Variants in RGS7 observed in about 807,000 individuals in gnomAD.
RGS7 encodes the protein regulator of G-protein signaling 7.
In RGS7, 27 loss-of-function variants were observed where a neutral mutation model predicts 81.1. That is an observed-to-expected ratio of 0.33 (90% CI 0.25 to 0.46). The LOEUF (loss-of-function observed/expected upper bound fraction) is 0.46. Ranked by LOEUF, RGS7 falls within the 20% of genes least tolerant of loss-of-function variation. The pLI is 1.00. For synonymous variants in RGS7, 208 were observed against 207.7 expected, an observed-to-expected ratio of 1.00 and a Z score of -0.01; for missense variants, 396 against 607.4, an observed-to-expected ratio of 0.65 and a Z score of 3.66.
chr1:240,844,693 T>G (rs1658739359), intron 9 of RGS7, among the ~76,000 whole-genome samples: 2 of 152,212 alleles, frequency 1.3e-5, no homozygotes, highest in South Asian at 2.1e-4. Flanking sequence ...CATAGCGGCT[T>G]GTGATAGCCA....
intron 2 of RGS7, among the ~76,000 whole-genome samples, chr1:241,300,007 C>T (rs1375941033): frequency 6.7e-6 from 1 of 150,344 alleles, no homozygotes; most frequent in Non-Finnish European, 1.5e-5. Context: ...ACCAGCCACT[C>T]GGGAGGCTGG....
intron 6 of RGS7, among the ~76,000 whole-genome samples, chr1:240,900,506 T>G (rs1404347715): frequency 6.6e-6 from 1 of 152,166 alleles, no homozygotes; most frequent in Non-Finnish European, 1.5e-5. Context: ...TAGTTTTCCC[T>G]CTAACGGTCA....
At chr1:240,986,123 A>T (rs1264957912) in intron 3 of RGS7, among the ~76,000 whole-genome samples, 1 of 152,124 alleles carries the variant, frequency 6.6e-6, no homozygotes, top group Non-Finnish European at 1.5e-5. Context: ...ACTGTAGCCT[A>T]TGGAAAGTTT....
chr1:241,304,898 T>C (rs2079993507), intron 2 of RGS7, among the ~76,000 whole-genome samples: 1 of 152,256 alleles, frequency 6.6e-6, no homozygotes, highest in South Asian at 2.1e-4. Flanking sequence ...ATTTAGGTTG[T>C]TCATGATTAA....
intron 10 of RGS7, among the ~76,000 whole-genome samples, chr1:240,820,544 C>T (rs1249293963): frequency 6.6e-6 from 1 of 151,882 alleles, no homozygotes; most frequent in Non-Finnish European, 1.5e-5. Flanking sequence ...TCCTCAACCC[C>T]TAATGTGATG....
intron 2 of RGS7, among the ~76,000 whole-genome samples, chr1:241,145,646 A>T (rs1344952619): frequency 2.0e-5 from 3 of 152,198 alleles, no homozygotes; most frequent in Non-Finnish European, 4.4e-5. Flanking sequence ...TTTGAGGCTG[A>T]GGCACAAGAA....
chr1:240,930,616 T>G, intron 6 of RGS7, 101 bp downstream of exon 6: 1 of 1,110,196 alleles, frequency 9.0e-7, no homozygotes, highest in Non-Finnish European at 1.4e-6. Flanking sequence ...TCCTGAGAAC[T>G]GTGGTTTCCT....
intron 4 of RGS7, among the ~76,000 whole-genome samples, chr1:240,944,278 GTGTGTA>G (rs1353821087): frequency 3.4e-4 from 7 of 20,454 alleles, no homozygotes; most frequent in East Asian, 2.9e-3. Context: ...GTGTGTGTGT[GTGTGTA>G]TATATATATA....
At chr1:241,286,227 T>A (rs2078800995) in intron 2 of RGS7, among the ~76,000 whole-genome samples, 1 of 152,178 alleles carries the variant, frequency 6.6e-6, no homozygotes, top group African/African-American at 2.4e-5. Flanking sequence ...AGCATTGAGA[T>A]GGAAAGAGCC....
chr1:241,029,410 G>T (rs539370582), intron 3 of RGS7, among the ~76,000 whole-genome samples: 1 of 152,238 alleles, frequency 6.6e-6, no homozygotes, highest in South Asian at 2.1e-4. Context: ...TCTGACGTGG[G>T]GTTTGGAATC....
chr1:241,063,249 T>A (rs2061842407), intron 3 of RGS7, among the ~76,000 whole-genome samples: 1 of 152,184 alleles, frequency 6.6e-6, no homozygotes, highest in Non-Finnish European at 1.5e-5. Context: ...ATAGGAGTTC[T>A]AAGGGGCAGG....
chr1:240,901,731 T>C (rs1335983455), intron 6 of RGS7, among the ~76,000 whole-genome samples: 3 of 152,194 alleles, frequency 2.0e-5, no homozygotes, highest in African/African-American at 7.2e-5. Flanking sequence ...TACTCCTCAC[T>C]ACGTATGGTC....
At chr1:241,158,547 G>T (rs1445169333) in intron 2 of RGS7, among the ~76,000 whole-genome samples, 1 of 152,148 alleles carries the variant, frequency 6.6e-6, no homozygotes, top group Non-Finnish European at 1.5e-5. Flanking sequence ...AACAACATTT[G>T]TCAAGTAAGT....
Position 240,928,198 on chromosome 1 carries a change from G to A in RGS7, c.385+2519C>T, listed in dbSNP as rs1008967919. The stretch of plus-strand genomic sequence containing the variant: ...GATATATAAACCCTGGGTCTGGAAG[G>A]TTGTAGTGCGAAGGCCTACCTTTCT... On this transcript the variant is annotated intron_variant, in intron 6 of 18. Transcript: ENST00000440928. Among the ~76,000 whole-genome samples the A allele has an allele frequency of 2.0e-5, 3 of 152,162 alleles. No homozygotes were observed. In the South Asian group the frequency reaches 6.2e-4, roughly 32 times the overall value.
At chr1:240,789,690 G>A (rs1334537747) in intron 18 of RGS7, among the ~76,000 whole-genome samples, 1 of 152,286 alleles carries the variant, frequency 6.6e-6, no homozygotes, top group African/African-American at 2.4e-5. Flanking sequence ...ATTTTGGTCA[G>A]ACCAGTTGTC....
intron 3 of RGS7, 73 bp downstream of exon 3, chr1:241,098,593 C>T: frequency 1.0e-6 from 1 of 972,188 alleles, no homozygotes; most frequent in Non-Finnish European, 1.7e-6. Flanking sequence ...CAATAGTGAA[C>T]AGCTGGAATC....
rs2069951744 is a variant in RGS7, at chr1:241,163,889, G to A, written c.79-65127C>T. Among the ~76,000 whole-genome samples, 1 of 151,046 alleles carries A rather than the reference G, an allele frequency of 6.6e-6. No individual in the cohort carries two copies. Among genetic ancestry groups the A allele is most frequent in the Non-Finnish European group, 1.5e-5 (1 of 68,024 alleles). Reference sequence around the variant, plus strand: ...CTGAAGCTGGAAGTCCTCTAATTCAGTTCCACTCTGACACTCTCTTCCTGG... The same window carrying A: ...CTGAAGCTGGAAGTCCTCTAATTCAATTCCACTCTGACACTCTCTTCCTGG... On this transcript the variant is annotated intron_variant, in intron 2 of 18. Transcript: ENST00000440928. The surrounding 1 kb of genome is among the most constrained non-coding windows in gnomAD (Gnocchi z 4.6).
intron 3 of RGS7, among the ~76,000 whole-genome samples, chr1:241,003,257 C>T (rs2058504716): frequency 6.6e-6 from 1 of 151,906 alleles, no homozygotes; most frequent in South Asian, 2.1e-4. Flanking sequence ...TTCAGGAGAT[C>T]AAGACCATCC....
intron 2 of RGS7, among the ~76,000 whole-genome samples, chr1:241,195,518 A>G (rs2073004889): frequency 1.3e-5 from 2 of 152,166 alleles, no homozygotes; most frequent in African/African-American, 4.8e-5. Flanking sequence ...TGACCAGCTA[A>G]CAAGAGGGAA....
Sources: allele counts gnomAD v4.1 joint callset (sites outside exome capture counted in the v4.1 genomes callset), GRCh38; gene constraint gnomAD v4.1.1; non-coding constraint Gnocchi (gnomAD v3.1); transcripts MANE v1.5; gene names NCBI Gene and HGNC (gene_info 2026-07-23, HGNC 2026-07-21).